Variants in KLHL3 observed in about 807,000 individuals in gnomAD.
The protein encoded by KLHL3 is kelch like family member 3.
Under a neutral mutation model 70.5 loss-of-function variants are expected in KLHL3, and 19 were observed. That is an observed-to-expected ratio of 0.27 (90% CI 0.19 to 0.40). The LOEUF (loss-of-function observed/expected upper bound fraction) is 0.40. Among genes scored for constraint, KLHL3 ranks in the 10% least tolerant of loss-of-function variants. The pLI is 1.00. For missense variants in KLHL3, 512 were observed against 771.1 expected, an observed-to-expected ratio of 0.66 and a Z score of 3.98; for synonymous variants, 258 against 290.3, an observed-to-expected ratio of 0.89 and a Z score of 1.13.
At chr5:137,627,911 A>T in intron 13 of KLHL3, 1 of 184,204 alleles carries the variant, frequency 5.4e-6, no homozygotes, top group Non-Finnish European at 1.1e-5. Context: ...ACTGGCAAAG[A>T]AAAGATAGAA....
intron 7 of KLHL3, among the ~76,000 whole-genome samples, chr5:137,660,436 G>T (rs933554800): frequency 6.6e-6 from 1 of 152,172 alleles, no homozygotes; most frequent in Non-Finnish European, 1.5e-5. Context: ...ACAGTGGGAG[G>T]TTTGACTGAC....
chr5:137,716,731 A>C (rs1041488832), intron 2 of KLHL3, among the ~76,000 whole-genome samples: 1 of 152,220 alleles, frequency 6.6e-6, no homozygotes, highest in African/African-American at 2.4e-5. Context: ...CGCAATCTCA[A>C]AAAAGACTAG....
chr5:137,628,553 T>C (rs1024448867), intron 12 of KLHL3, 116 bp from the exon 13 acceptor site: 50 of 1,143,034 alleles, frequency 4.4e-5, no homozygotes, highest in Admixed American at 2.0e-4. Context: ...GGGAGTGCCA[T>C]TTTGTCTCCC....
At chr5:137,676,595 C>T (rs950694172) in intron 6 of KLHL3, among the ~76,000 whole-genome samples, 5 of 152,160 alleles carry the variant, frequency 3.3e-5, no homozygotes, top group Non-Finnish European at 7.4e-5. Flanking sequence ...TGGGCTAATA[C>T]TGATTGAACA....
At chr5:137,689,721 C>T (rs1752270372) in intron 5 of KLHL3, among the ~76,000 whole-genome samples, 1 of 152,172 alleles carries the variant, frequency 6.6e-6, no homozygotes, top group Admixed American at 6.6e-5. Context: ...CTATGTTCAC[C>T]ATCTGAGTAA....
chr5:137,661,119 T>C (rs545918383), intron 7 of KLHL3: 2 of 152,316 alleles, frequency 1.3e-5, no homozygotes, highest in East Asian at 1.9e-4. Context: ...AGTCACGTAA[T>C]GGGTATGCAG....
rs200272165 is a variant in KLHL3 at position 137,720,559 on chromosome 5, T to A, written c.40A>T (p.Ile14Leu). Residue 14 changes from isoleucine to leucine, a missense_variant, in exon 2 of 15, where the codon ATA becomes TTA. Ile to Leu is a conservative substitution (Grantham distance 5, BLOSUM62 2). Coordinates refer to ENST00000309755, the MANE Select transcript of KLHL3 (RefSeq NM_017415.3). Reference sequence around the variant, plus strand: ...TTCTTCTCATCATCCCCAGCCTGTATCAGAGTCTGGGAGCTCAGCTTGACA... The same window carrying A: ...TTCTTCTCATCATCCCCAGCCTGTAACAGAGTCTGGGAGCTCAGCTTGACA... ...ESVKLSSQTL[I>L]QAGDDEKNQR... The A allele has an allele frequency of 6.2e-7, 1 of 1,613,944 alleles. No homozygotes were observed. The highest frequency in any genetic ancestry group is 8.5e-7 in the Non-Finnish European group (1 of 1,179,990).
intron 8 of KLHL3, among the ~76,000 whole-genome samples, chr5:137,641,027 A>G (rs538484105): frequency 3.8e-4 from 58 of 152,376 alleles, no homozygotes; most frequent in African/African-American, 1.4e-3. Context: ...TTAGGTTAAT[A>G]GAACTGCAGT....
chr5:137,676,299 A>T (rs1207415542), intron 6 of KLHL3, among the ~76,000 whole-genome samples: 2 of 152,242 alleles, frequency 1.3e-5, no homozygotes, highest in Non-Finnish European at 2.9e-5. Flanking sequence ...ATTTCATCTC[A>T]GATATAAAAT....
intron 2 of KLHL3, among the ~76,000 whole-genome samples, chr5:137,715,388 T>C (rs556568410): frequency 6.6e-6 from 1 of 152,326 alleles, no homozygotes; most frequent in African/African-American, 2.4e-5. Flanking sequence ...GATGGCAAGA[T>C]GCTTTAGCCC....
intron 6 of KLHL3, among the ~76,000 whole-genome samples, chr5:137,664,054 T>A (rs555538689): frequency 1.3e-5 from 2 of 152,256 alleles, no homozygotes; most frequent in East Asian, 1.9e-4. Context: ...TAATTTTTTT[T>A]TAAAAATTAT....
chr5:137,640,089 C>G (rs1422360228), intron 8 of KLHL3, 112 bp from the exon 9 acceptor site: 2 of 854,830 alleles, frequency 2.3e-6, no homozygotes, highest in African/African-American at 3.3e-5. Context: ...TCTGAGATGC[C>G]AGTTTACAGA....
chr5:137,650,082 A>C (rs893438157), intron 8 of KLHL3, among the ~76,000 whole-genome samples: 2 of 152,246 alleles, frequency 1.3e-5, no homozygotes, highest in African/African-American at 4.8e-5. Flanking sequence ...AAACAATACT[A>C]CTTGTATCAT....
At chr5:137,716,849 T>C (rs1212638860) in intron 2 of KLHL3, among the ~76,000 whole-genome samples, 1 of 152,166 alleles carries the variant, frequency 6.6e-6, no homozygotes, top group East Asian at 1.9e-4. Context: ...GGCTGGCTTT[T>C]GTTAGAACCT....
chr5:137,698,574 G>A (rs1399925246), intron 3 of KLHL3, among the ~76,000 whole-genome samples, 166 bp from the exon 4 acceptor site: 3 of 152,182 alleles, frequency 2.0e-5, no homozygotes, highest in Admixed American at 2.0e-4. Flanking sequence ...GTAACATCAA[G>A]GTCACATCAG....
intron 1 of KLHL3, among the ~76,000 whole-genome samples, chr5:137,727,011 C>T (rs1047438048): frequency 6.6e-6 from 1 of 152,126 alleles, no homozygotes; most frequent in Admixed American, 6.5e-5. Context: ...TCTTGCCCTC[C>T]TCTATCCTCT....
chr5:137,637,239 G>A lies in KLHL3; in HGVS notation c.1321+55C>T, dbSNP rs1750789477. ...AGCACCAAGCATGATGCTGGACCCA[G>A]GACAAGGCCCGTGGGCCAGGTAGGC... On this transcript the variant is annotated intron_variant, in intron 11 of 14. Coordinates refer to ENST00000309755, the MANE Select transcript of KLHL3 (RefSeq NM_017415.3). The A allele has an allele frequency of 8.3e-6, 12 of 1,446,572 alleles. No homozygotes were observed. The South Asian group carries it at 1.1e-4, about 14-fold the overall frequency. The allele number at this position is 1,446,572 out of a possible 1,614,324, so 89.6% of individuals were successfully genotyped here.
At chr5:137,684,666 C>T (rs1400200716) in intron 5 of KLHL3, among the ~76,000 whole-genome samples, 1 of 152,020 alleles carries the variant, frequency 6.6e-6, no homozygotes, top group Non-Finnish European at 1.5e-5. Context: ...GTCCAATTAC[C>T]AAACAACAAA....
intron 11 of KLHL3, among the ~76,000 whole-genome samples, chr5:137,634,656 AC>A (rs1186580466): frequency 6.6e-6 from 1 of 152,066 alleles, no homozygotes. Flanking sequence ...CATTGTCTCT[AC>A]CCCTTCCACA....
Sources: allele counts gnomAD v4.1 joint callset (sites outside exome capture counted in the v4.1 genomes callset), GRCh38; gene constraint gnomAD v4.1.1; transcripts MANE v1.5; gene names NCBI Gene and HGNC (gene_info 2026-07-23, HGNC 2026-07-21).